The following JADE2 variants were observed in gnomAD, a reference collection of about 807,000 sequenced individuals.
The protein encoded by JADE2 is jade family PHD finger 2.
JADE2 carries 13 observed loss-of-function variants against 85.7 expected under a neutral mutation model. The ratio of observed to expected loss-of-function variants is 0.15; its 90% CI spans 0.10 to 0.24. JADE2 has a LOEUF of 0.24. JADE2 is among the 10% of genes least tolerant of loss of function. The probability of loss-of-function intolerance (pLI) is 1.00; values close to 1 mark genes in which losing one functional copy is unlikely to be tolerated. For missense variants in JADE2, 846 were observed against 1,115.9 expected, an observed-to-expected ratio of 0.76 and a Z score of 3.45; for synonymous variants, 440 against 456.1, an observed-to-expected ratio of 0.96 and a Z score of 0.45.
At chr5:134,563,724 C>T (rs1763470841) in intron 7 of JADE2, among the ~76,000 whole-genome samples, 1 of 152,218 alleles carries the variant, frequency 6.6e-6, no homozygotes. Flanking sequence ...TAGGCACTTG[C>T]TTGCAGATCA....
chr5:134,543,754 C>T (rs534836292), intron 3 of JADE2, among the ~76,000 whole-genome samples: 1 of 152,206 alleles, frequency 6.6e-6, no homozygotes. Flanking sequence ...AACAGGAGTT[C>T]CTGGCTTGGT....
At chr5:134,551,519 T>C (rs931456271) in intron 3 of JADE2, among the ~76,000 whole-genome samples, 4 of 151,110 alleles carry the variant, frequency 2.6e-5, no homozygotes, top group Non-Finnish European at 4.4e-5. Context: ...GTGAGCCACC[T>C]TGCCTGGCCC....
chr5:134,579,134 A>C lies in JADE2; in HGVS notation c.2322A>C (p.Gly774=). ...GTGCCAGGCCTGATGCTGGGATGGG[A>C]CCACCTTCAGCTGTGGCTGAGAGGC... is the stretch of plus-strand genomic sequence containing the variant. ...LPGARPDAGM[G]PPSAVAERPK... is the part of the protein sequence containing the mutation. Residue 774 remains glycine, a synonymous_variant, in exon 12 of 12, where the codon GGA becomes GGC. Coordinates refer to ENST00000681547, the MANE Select transcript of JADE2 (RefSeq NM_001388185.1). This position sits in a 1 kb window ranked among gnomAD's most constrained non-coding sequence, Gnocchi z 4.6. 6.2e-7 allele frequency: 1 copy of C among 1,614,154 alleles called. No homozygotes were observed.
At chr5:134,540,659 A>C (rs886707059) in intron 3 of JADE2, among the ~76,000 whole-genome samples, 6 of 152,154 alleles carry the variant, frequency 3.9e-5, no homozygotes, top group African/African-American at 1.4e-4. Flanking sequence ...TTCAGACATG[A>C]AGAACCTGTC....
intron 9 of JADE2, among the ~76,000 whole-genome samples, chr5:134,567,823 T>C (rs1188720535): frequency 6.6e-6 from 1 of 152,228 alleles, no homozygotes; most frequent in African/African-American, 2.4e-5. Flanking sequence ...GCAGCCAGCT[T>C]GCCACCAGGC....
At chr5:134,549,812 T>C (rs1762501994) in intron 3 of JADE2, among the ~76,000 whole-genome samples, 1 of 152,244 alleles carries the variant, frequency 6.6e-6, no homozygotes, top group Admixed American at 6.5e-5. Flanking sequence ...TGGTTCTCCA[T>C]GGCTTCAGAG....
chr5:134,579,437 G>A lies in JADE2; in HGVS notation c.*120G>A, dbSNP rs566189815. 22 of 747,584 alleles carry A rather than the reference G, an allele frequency of 2.9e-5. No homozygotes were observed. The highest frequency in any genetic ancestry group is 1.3e-4 in the South Asian group (7 of 52,532). 46.3% of individuals were successfully genotyped at this position (747,584 alleles called of 1,614,324 possible). A position where few individuals can be genotyped will look rare whatever the true frequency, so the allele number is the denominator to read the frequency against. On this transcript the variant is annotated 3_prime_UTR_variant, in exon 12 of 12. Transcript: ENST00000681547. The surrounding 1 kb of genome is among the most constrained non-coding windows in gnomAD (Gnocchi z 4.6). ...AGACCCTCGAGGCTGCCACTCCGTC[G>A]TGGTTTTATTTTTAATATAGAGAGA...
Position 134,578,104 on chromosome 5 carries a change from C to T in JADE2, c.1682-390C>T, listed in dbSNP as rs758065567. Among the ~76,000 whole-genome samples, 3 of 152,224 alleles carry T rather than the reference C, an allele frequency of 2.0e-5. No homozygotes were observed. Among genetic ancestry groups the T allele is most frequent in the Non-Finnish European group, 4.4e-5 (3 of 68,038 alleles). On this transcript the variant is annotated intron_variant, in intron 11 of 11. Coordinates refer to ENST00000681547, the MANE Select transcript of JADE2 (RefSeq NM_001388185.1). This position sits in a 1 kb window ranked among gnomAD's most constrained non-coding sequence, Gnocchi z 4.4. ...CTTGTTCTTGGTTAATGCTCTGCTGCTGCCACCTTGAATTTTCTTTCCCAT... is the reference window on the plus strand; with the variant it reads ...CTTGTTCTTGGTTAATGCTCTGCTGTTGCCACCTTGAATTTTCTTTCCCAT...
chr5:134,527,691 A>C (rs2149843378), intron 1 of JADE2, among the ~76,000 whole-genome samples: 3 of 146,652 alleles, frequency 2.0e-5, no homozygotes, highest in African/African-American at 2.5e-5. Flanking sequence ...GCGCGCCTCC[A>C]GCCTGCGGTC....
intron 1 of JADE2, chr5:134,526,853 G>C (rs1760861969): frequency 1.3e-6 from 1 of 776,438 alleles, no homozygotes; most frequent in Non-Finnish European, 1.6e-6. Flanking sequence ...TCCAGCTGGG[G>C]AGAGGCGCTG....
chr5:134,550,953 A>C (rs1210404112), intron 3 of JADE2, among the ~76,000 whole-genome samples: 1 of 152,024 alleles, frequency 6.6e-6, no homozygotes, highest in East Asian at 1.9e-4. Flanking sequence ...CCCAACACAC[A>C]CAAAGCCGGT....
chr5:134,558,684 A>G (rs535750383), intron 4 of JADE2, among the ~76,000 whole-genome samples: 25 of 152,300 alleles, frequency 1.6e-4, no homozygotes, highest in Non-Finnish European at 1.6e-4. Flanking sequence ...GATTACAGGC[A>G]TACACCACCA....
intron 1 of JADE2, among the ~76,000 whole-genome samples, chr5:134,527,542 C>G (rs939549162): frequency 3.9e-5 from 6 of 151,910 alleles, no homozygotes; most frequent in Non-Finnish European, 7.4e-5. Context: ...AACCCCTCCC[C>G]CGACCTGGGT....
At position 134,581,396 on chromosome 5, in the gene JADE2, A is replaced by G. The variant is rs2150039268; in HGVS notation, c.*2079A>G. On this transcript the variant is annotated 3_prime_UTR_variant, in exon 12 of 12. Transcript: ENST00000681547. The stretch of plus-strand genomic sequence containing the variant: ...CGGGCTGCAACCCTGTCTGTGCCAG[A>G]TTGCCCGGTCTGACCCTGCAGGAAG... 6.5e-6 allele frequency: 1 copy of G among 152,824 alleles called. No individual in the cohort carries two copies. Among genetic ancestry groups the G allele is most frequent in the East Asian group, 1.9e-4 (1 of 5,190 alleles). The allele number at this position is 152,824 out of a possible 1,614,324, so 9.5% of individuals were successfully genotyped here.
At position 134,562,249 on chromosome 5, in the gene JADE2, C is replaced by T. The variant is rs554945499; in HGVS notation, c.734C>T (p.Thr245Met). 1 of 1,613,984 alleles carries T rather than the reference C, an allele frequency of 6.2e-7. No individual in the cohort carries two copies. Among genetic ancestry groups the T allele is most frequent in the South Asian group, 1.1e-5 (1 of 91,074 alleles). ...KVPTGSWLCRTCALGVQPKCL... is the reference protein window; with the variant it reads ...KVPTGSWLCRMCALGVQPKCL... ...CCCACGGGCAGCTGGCTGTGCCGGA[C>T]GTGTGCCCTGGGTGTCCAGCCAAAG... Residue 245 changes from threonine (T) to methionine (M), a missense_variant, in exon 7 of 12, where the codon ACG becomes ATG. Thr to Met is a moderately conservative substitution (Grantham distance 81, BLOSUM62 -1). Transcript: ENST00000681547. The surrounding 1 kb of genome is among the most constrained non-coding windows in gnomAD (Gnocchi z 4.6).
chr5:134,579,397 T>C lies in JADE2; in HGVS notation c.*80T>C, dbSNP rs1764591584. ...CCAGTCACAACTGCCATTTCCAGTCTCTGCTGAGTGTCCCAGACCCTCGAG... is the reference window on the plus strand; with the variant it reads ...CCAGTCACAACTGCCATTTCCAGTCCCTGCTGAGTGTCCCAGACCCTCGAG... On this transcript the variant is annotated 3_prime_UTR_variant, in exon 12 of 12. Coordinates refer to ENST00000681547, the MANE Select transcript of JADE2 (RefSeq NM_001388185.1). This position sits in a 1 kb window ranked among gnomAD's most constrained non-coding sequence, Gnocchi z 4.6. 8.7e-7 allele frequency: 1 copy of C among 1,150,244 alleles called. No individual in the cohort carries two copies. The highest frequency in any genetic ancestry group is 1.2e-6 in the Non-Finnish European group (1 of 830,408). 71.3% of individuals were successfully genotyped at this position (1,150,244 alleles called of 1,614,324 possible).
At chr5:134,529,478 AT>A (rs1478406341) in intron 1 of JADE2, among the ~76,000 whole-genome samples, 1 of 152,222 alleles carries the variant, frequency 6.6e-6, no homozygotes, top group African/African-American at 2.4e-5. Context: ...AACTGTCATA[AT>A]GGCTCTATAC....
intron 10 of JADE2, chr5:134,575,487 G>A (rs1764302559): frequency 6.6e-6 from 1 of 152,264 alleles, no homozygotes; most frequent in Admixed American, 6.5e-5. Context: ...GGGGATGACG[G>A]GTAACCTGGG....
In JADE2 at chr5:134,578,969, A is replaced by C; in HGVS notation, c.2157A>C (p.Pro719=). 1 of 1,613,544 alleles carries C rather than the reference A, an allele frequency of 6.2e-7. No homozygotes were observed. The highest frequency in any genetic ancestry group is 8.5e-7 in the Non-Finnish European group (1 of 1,179,958). Residue 719 remains proline, a synonymous_variant, in exon 12 of 12, where the codon CCA becomes CCC. Transcript: ENST00000681547. This position sits in a 1 kb window ranked among gnomAD's most constrained non-coding sequence, Gnocchi z 4.4. The stretch of plus-strand genomic sequence containing the variant: ...TAGCCACCCCTGAAAGCCCCCCGCC[A>C]CTGGCCCCTGAGACCCCGGACGAGG... ...PILATPESPP[P]LAPETPDEAA...
Sources: gnomAD v4.1 joint callset for allele counts (sites outside exome capture counted in the v4.1 genomes callset) on GRCh38, gnomAD v4.1.1 for gene constraint, Gnocchi (gnomAD v3.1) non-coding constraint, MANE v1.5 for transcripts, NCBI Gene and HGNC (gene_info 2026-07-23, HGNC 2026-07-21) for gene names.